MYO5C: variants seen among roughly 807,000 people sequenced by gnomAD.
MYO5C encodes the protein unconventional myosin-Vc.
A neutral mutation model predicts 235.7 loss-of-function variants in MYO5C; 194 were observed. That is an observed-to-expected ratio of 0.82 (90% CI 0.73 to 0.93). MYO5C has a LOEUF of 0.93. Ranked by LOEUF, MYO5C falls within the 40% of genes least tolerant of loss-of-function variation. The pLI is 0.00. For synonymous variants in MYO5C, 707 were observed against 754.8 expected, an observed-to-expected ratio of 0.94 and a Z score of 1.04; for missense variants, 2,038 against 2,127.2, an observed-to-expected ratio of 0.96 and a Z score of 0.82.
chr15:52,285,015 T>C (rs1441930770), intron 1 of MYO5C, among the ~76,000 whole-genome samples: 1 of 152,134 alleles, frequency 6.6e-6, no homozygotes, highest in Non-Finnish European at 1.5e-5. Context: ...TGTAAAGTTC[T>C]TTCAACATTG....
chr15:52,270,025 C>T (rs1400434410), intron 7 of MYO5C, among the ~76,000 whole-genome samples, 165 bp from the exon 8 acceptor site: 1 of 152,192 alleles, frequency 6.6e-6, no homozygotes, highest in East Asian at 1.9e-4. Context: ...TGTGGAGGCT[C>T]ATGCCTGTAA....
intron 38 of MYO5C, among the ~76,000 whole-genome samples, chr15:52,199,681 T>A (rs1469648433): frequency 6.6e-6 from 1 of 152,076 alleles, no homozygotes; most frequent in African/African-American, 2.4e-5. Flanking sequence ...TCCCTCTCCT[T>A]TTTCTCTATT....
In MYO5C at chr15:52,207,145, AG is replaced by A. The variant is rs1390575018; in HGVS notation, c.4387-1180del. ...GAGACCCCCATCTCAAAAAAGAAAA[AG>A]AAAAAAAAAAAAGAACAGGACATTG... is the stretch of plus-strand genomic sequence containing the variant. On this transcript the variant is annotated intron_variant, in intron 36 of 40. Transcript: ENST00000261839. 3.5e-3 allele frequency among the ~76,000 whole-genome samples: 539 copies of A among 152,018 alleles called. 3 individuals carry two copies. Among genetic ancestry groups the A allele is most frequent in the Non-Finnish European group, 6.3e-3 (429 of 67,984 alleles).
At chr15:52,227,212 T>TTTG (rs2035845559) in intron 25 of MYO5C, among the ~76,000 whole-genome samples, 2 of 128,368 alleles carry the variant, frequency 1.6e-5, no homozygotes, top group Admixed American at 7.8e-5. Context: ...TTTTTTTTGT[T>TTTG]GAGACGGAGT....
chr15:52,210,464 G>A (rs1231997704), intron 35 of MYO5C, among the ~76,000 whole-genome samples: 1 of 152,138 alleles, frequency 6.6e-6, no homozygotes, highest in African/African-American at 2.4e-5. Flanking sequence ...ATATGGATCA[G>A]TACATTGTAA....
chr15:52,247,358 G>C, intron 15 of MYO5C, 100 bp downstream of exon 15: 2 of 1,345,292 alleles, frequency 1.5e-6, no homozygotes, highest in Non-Finnish European at 2.1e-6. Flanking sequence ...CCCAGCGTCT[G>C]TCCATGTCCA....
chr15:52,221,939 A>G (rs894983241), intron 29 of MYO5C, among the ~76,000 whole-genome samples: 1 of 152,202 alleles, frequency 6.6e-6, no homozygotes, highest in African/African-American at 2.4e-5. Context: ...ATATGCATTT[A>G]GTAGAAACCA....
intron 1 of MYO5C, among the ~76,000 whole-genome samples, chr15:52,287,343 T>C (rs2037298109): frequency 6.6e-6 from 1 of 152,206 alleles, no homozygotes; most frequent in Non-Finnish European, 1.5e-5. Context: ...CACCCATCCT[T>C]GTTGCCACGG....
chr15:52,285,863 G>A (rs920297007), intron 1 of MYO5C, among the ~76,000 whole-genome samples: 5 of 152,224 alleles, frequency 3.3e-5, no homozygotes, highest in Admixed American at 6.5e-5. Flanking sequence ...CCAAAGTGCC[G>A]AGATTGCAGC....
chr15:52,246,837 C>T, intron 16 of MYO5C, 80 bp downstream of exon 16: 1 of 1,156,618 alleles, frequency 8.6e-7, no homozygotes, highest in Admixed American at 2.1e-5. Context: ...AATCTCAAGA[C>T]AATTGGAAGC....
intron 38 of MYO5C, 97 bp downstream of exon 38, chr15:52,204,767 GA>G (rs1297476700): frequency 2.1e-6 from 3 of 1,409,140 alleles, no homozygotes; most frequent in Non-Finnish European, 2.9e-6. Context: ...ACAGGGGTTT[GA>G]CGCCACAGCA....
At chr15:52,240,416 T>TA (rs1220433649) in intron 20 of MYO5C, among the ~76,000 whole-genome samples, 1 of 151,366 alleles carries the variant, frequency 6.6e-6, no homozygotes, top group African/African-American at 2.4e-5. Flanking sequence ...AAAAAAATTT[T>TA]AAAAATTAGC....
intron 22 of MYO5C, 167 bp downstream of exon 22, chr15:52,237,315 C>T: frequency 1.4e-6 from 1 of 732,168 alleles, no homozygotes; most frequent in African/African-American, 1.8e-5. Context: ...GACTCTAATC[C>T]TCTGATCTCG....
At chr15:52,232,235 A>AGGAG (rs756408236) in intron 24 of MYO5C, among the ~76,000 whole-genome samples, 7,385 of 15,122 alleles carry the variant, frequency 0.49, 2,360 homozygotes, top group Non-Finnish European at 0.73. Flanking sequence ...AGAAAGAAGA[A>AGGAG]AGAAAGAAGG....
intron 2 of MYO5C, among the ~76,000 whole-genome samples, chr15:52,281,400 A>G (rs1229577244): frequency 1.3e-5 from 2 of 152,200 alleles, no homozygotes; most frequent in Non-Finnish European, 2.9e-5. Context: ...AGCCCTGCAG[A>G]TATTACCAAA....
intron 38 of MYO5C, among the ~76,000 whole-genome samples, chr15:52,200,254 A>G (rs2035156338): frequency 6.6e-6 from 1 of 152,090 alleles, no homozygotes; most frequent in Non-Finnish European, 1.5e-5. Flanking sequence ...AAATATTGAC[A>G]TTCTCCATAT....
At position 52,275,653 on chromosome 15, in the gene MYO5C, C is replaced by T. The variant is rs774460775; in HGVS notation, c.515G>A (p.Arg172His). The T allele has an allele frequency of 1.4e-5, 22 of 1,614,054 alleles. No homozygotes were observed. In the East Asian group the frequency reaches 2.4e-4, roughly 18 times the overall value. Residue 172 changes from arginine (R) to histidine (H), a missense_variant, in exon 5 of 41, where the codon CGC (arginine) becomes CAC (histidine). Transcript: ENST00000261839. The stretch of plus-strand genomic sequence containing the variant: ...GGTGGCAAAGTACCTCATGGCATAG[C>T]GAGCCGACACTGTCTTTCCAGCACC... The part of the protein sequence containing the change: ...ESGAGKTVSA[R>H]YAMRYFATVS...
At chr15:52,256,851 G>A (rs868415882) in intron 10 of MYO5C, 131 bp from the exon 11 acceptor site, 2 of 653,986 alleles carry the variant, frequency 3.1e-6, no homozygotes, top group Admixed American at 5.6e-5. Context: ...ACCCCTCAAA[G>A]CTTCTGGTTT....
chr15:52,203,649 A>G (rs1427942684), intron 38 of MYO5C, among the ~76,000 whole-genome samples: 1 of 152,208 alleles, frequency 6.6e-6, no homozygotes, highest in African/African-American at 2.4e-5. Flanking sequence ...CCCGGCCTCT[A>G]AGTTATTTAA....
Sources: allele counts gnomAD v4.1 joint callset (sites outside exome capture counted in the v4.1 genomes callset), GRCh38; gene constraint gnomAD v4.1.1; transcripts MANE v1.5; gene names NCBI Gene and HGNC (gene_info 2026-07-23, HGNC 2026-07-21).